Variants in TASP1 observed in about 807,000 individuals in gnomAD.
TASP1 encodes the protein taspase 1.
Under a neutral mutation model 56.6 loss-of-function variants are expected in TASP1, and 16 were observed. That is an observed-to-expected ratio of 0.28 (90% confidence interval 0.19 to 0.43). The LOEUF (loss-of-function observed/expected upper bound fraction) is 0.43. Among genes scored for constraint, TASP1 ranks in the 20% least tolerant of loss-of-function variants. The pLI is 1.00. For missense variants in TASP1, 393 were observed against 511.6 expected (o/e 0.77, Z 2.24); for synonymous variants, 179 against 184.2 (o/e 0.97, Z 0.23).
At chr20:13,406,913 G>A (rs374397028) in intron 13 of TASP1, among the ~76,000 whole-genome samples, 1 of 152,014 alleles carries the variant, frequency 6.6e-6, no homozygotes, top group East Asian at 1.9e-4. Context: ...TGATCTGCCC[G>A]CCTTGGCCTC....
At chr20:13,374,558 C>T in the TASP1 span, among the ~76,000 whole-genome samples, 1 of 152,080 alleles carries the variant, frequency 6.6e-6, no homozygotes, top group East Asian at 1.9e-4. Flanking sequence ...CCGTGTTAGC[C>T]AGGATTGTCT....
chr20:13,184,223 G>A, the TASP1 span, among the ~76,000 whole-genome samples: 1 of 151,962 alleles, frequency 6.6e-6, no homozygotes, highest in Non-Finnish European at 1.5e-5. Flanking sequence ...TATAAATCAA[G>A]CAATAGATTA....
chr20:13,634,479 T>C (rs1387422517), intron 1 of TASP1, among the ~76,000 whole-genome samples: 1 of 152,060 alleles, frequency 6.6e-6, no homozygotes, highest in Non-Finnish European at 1.5e-5. Context: ...CTTGTAATCC[T>C]AGCACTTTGG....
intron 10 of TASP1, among the ~76,000 whole-genome samples, chr20:13,513,104 T>G (rs1017943724): frequency 2.0e-5 from 3 of 152,172 alleles, no homozygotes; most frequent in African/African-American, 7.2e-5. Context: ...TGGTTCCATA[T>G]GAACTTTAAA....
At chr20:13,467,717 C>T (rs531941905) in intron 11 of TASP1, among the ~76,000 whole-genome samples, 3 of 152,044 alleles carry the variant, frequency 2.0e-5, no homozygotes, top group Non-Finnish European at 4.4e-5. Context: ...AAAAGGTGCC[C>T]TAAAAACACA....
chr20:13,386,472 G>A (rs1275465803), downstream of TASP1, among the ~76,000 whole-genome samples: 1 of 151,790 alleles, frequency 6.6e-6, no homozygotes, highest in Non-Finnish European at 1.5e-5. Flanking sequence ...GACTACCTTT[G>A]TAATAAAAAT....
the TASP1 span, among the ~76,000 whole-genome samples, chr20:13,141,445 T>A: frequency 6.6e-6 from 1 of 152,232 alleles, no homozygotes; most frequent in African/African-American, 2.4e-5. Context: ...AGTGTCTACC[T>A]TGGAAGAGTG....
At chr20:13,107,120 T>C in the TASP1 span, among the ~76,000 whole-genome samples, 9 of 152,232 alleles carry the variant, frequency 5.9e-5, no homozygotes, top group Admixed American at 5.9e-4. Context: ...CTTTGCGTTA[T>C]GGGTTCCAGA....
chr20:13,483,333 A>G lies in TASP1; in HGVS notation c.879T>C (p.Cys293=). Reference sequence around the variant, plus strand: ...GTATGGTGCGCACAAGATGCTCTCCACATCCTAGAAATCCAAAGAAACCAA... The same window carrying G: ...GTATGGTGCGCACAAGATGCTCTCCGCATCCTAGAAATCCAAAGAAACCAA... The part of the protein sequence containing the change: ...PYSTAVSTSG[C]GEHLVRTILA... The change falls in exon 11 of 14, where the codon TGT becomes TGC. Residue 293 remains cysteine, a synonymous_variant. Transcript: ENST00000337743. The G allele has an allele frequency of 6.4e-7, 1 of 1,559,120 alleles. No individual in the cohort carries two copies. Among genetic ancestry groups the G allele is most frequent in the Non-Finnish European group, 8.7e-7 (1 of 1,151,354 alleles).
Position 13,417,503 on chromosome 20 carries a change from T to A in TASP1, c.1115A>T (p.His372Leu). Residue 372 changes from histidine to leucine, a missense_variant, in exon 13 of 14, where the codon CAC becomes CTC. His to Leu is a moderately conservative substitution (Grantham distance 99). Around this residue, in one of 3 missense-constraint regions of TASP1, gnomAD observed 293 missense variants for 354.2 expected, o/e 0.83. Coordinates refer to ENST00000337743, the MANE Select transcript of TASP1 (RefSeq NM_017714.3). ...TCCGACACACATGCTCTCCGTCGTGTGGCTCCACAGAAATTCCACTGCCAT... is the reference window on the plus strand; with the variant it reads ...TCCGACACACATGCTCTCCGTCGTGAGGCTCCACAGAAATTCCACTGCCAT... ...QTLLVEFLWS[H>L]TTESMCVGYM... The A allele has an allele frequency of 6.2e-7, 1 of 1,614,188 alleles. No homozygotes were observed. The highest frequency in any genetic ancestry group is 8.5e-7 in the Non-Finnish European group (1 of 1,180,008).
the TASP1 span, among the ~76,000 whole-genome samples, chr20:13,175,438 G>C: frequency 6.6e-6 from 1 of 152,094 alleles, no homozygotes; most frequent in Non-Finnish European, 1.5e-5. Context: ...TTCCCTCTTT[G>C]TTCCAGTTTC....
chr20:13,154,062 G>T, the TASP1 span: 1 of 1,614,028 alleles, frequency 6.2e-7, no homozygotes, highest in African/African-American at 1.3e-5. Context: ...AAGACTGCAG[G>T]AAATGGGATT....
At chr20:13,293,989 G>A in the TASP1 span, among the ~76,000 whole-genome samples, 3 of 151,444 alleles carry the variant, frequency 2.0e-5, no homozygotes, top group African/African-American at 7.3e-5. Context: ...AAAAAAGAAA[G>A]AAAAAGAAAA....
chr20:13,489,288 C>T lies in TASP1; in HGVS notation c.875-5951G>A, dbSNP rs80007569. Among the ~76,000 whole-genome samples the T allele has an allele frequency of 1.2e-3, 183 of 152,214 alleles. 4 individuals are homozygous for T. In the East Asian group the frequency reaches 0.032, roughly 27 times the overall value. On this transcript the variant is annotated intron_variant, in intron 10 of 13. Coordinates refer to ENST00000337743, the MANE Select transcript of TASP1 (RefSeq NM_017714.3). The stretch of plus-strand genomic sequence containing the variant: ...AAAGTGACAAATATCATTACCATTC[C>T]GGTCCCTGGCCAGAAAGAGCTACAC...
At chr20:13,410,299 A>G (rs1200460023) in intron 13 of TASP1, among the ~76,000 whole-genome samples, 1 of 152,252 alleles carries the variant, frequency 6.6e-6, no homozygotes. Context: ...AGTACAGCAC[A>G]GGTATCCCTT....
the TASP1 span, among the ~76,000 whole-genome samples, chr20:13,304,052 T>A: frequency 6.6e-6 from 1 of 152,180 alleles, no homozygotes; most frequent in East Asian, 1.9e-4. Context: ...GGTATGACTT[T>A]CTAGGATGCC....
chr20:13,175,511 G>A, the TASP1 span, among the ~76,000 whole-genome samples: 1 of 152,164 alleles, frequency 6.6e-6, no homozygotes, highest in Non-Finnish European at 1.5e-5. Context: ...AGGCCAGTGA[G>A]AGGTGGGAAG....
intron 4 of TASP1, chr20:13,614,679 AT>A: frequency 2.8e-6 from 1 of 357,876 alleles, no homozygotes. Flanking sequence ...CAGTTTTCAC[AT>A]TTTTTAATTG....
the TASP1 span, among the ~76,000 whole-genome samples, chr20:13,344,832 A>T: frequency 1.6e-4 from 25 of 152,292 alleles, no homozygotes; most frequent in Non-Finnish European, 3.2e-4. Flanking sequence ...GAGCACACTC[A>T]GCGGCTGGCA....
Sources: allele counts gnomAD v4.1 joint callset (sites outside exome capture counted in the v4.1 genomes callset), GRCh38; gene constraint gnomAD v4.1.1; regional missense constraint gnomAD v4.1.1; transcripts MANE v1.5; gene names NCBI Gene and HGNC (gene_info 2026-07-23, HGNC 2026-07-21).